EXOC6B: variants seen among roughly 807,000 people sequenced by gnomAD.
EXOC6B encodes SEC15 homolog B.
In EXOC6B, 54 loss-of-function variants were observed where a neutral mutation model predicts 113.5. That is an observed-to-expected ratio of 0.48 (90% CI 0.38 to 0.60). The LOEUF (loss-of-function observed/expected upper bound fraction) is 0.60. EXOC6B is among the 20% of genes least tolerant of loss of function. The pLI is 0.00. For missense variants in EXOC6B, 797 were observed against 977.5 expected (o/e 0.82, Z 2.46); for synonymous variants, 357 against 339.0 (o/e 1.05, Z -0.58).
intron 6 of EXOC6B, among the ~76,000 whole-genome samples, chr2:72,714,754 A>G (rs1047490266): frequency 2.0e-5 from 3 of 152,180 alleles, no homozygotes; most frequent in Non-Finnish European, 4.4e-5. Context: ...AAGGCCATCA[A>G]ACTGAGAAAG....
intron 2 of EXOC6B, among the ~76,000 whole-genome samples, chr2:72,738,311 C>G (rs574076807): frequency 6.6e-6 from 1 of 152,258 alleles, no homozygotes; most frequent in Non-Finnish European, 1.5e-5. Flanking sequence ...CTAGAACTAC[C>G]AACTACTGAG....
intron 1 of EXOC6B, among the ~76,000 whole-genome samples, chr2:72,747,285 T>A (rs1309779977): frequency 6.6e-6 from 1 of 152,046 alleles, no homozygotes; most frequent in African/African-American, 2.4e-5. Flanking sequence ...GACACACTTA[T>A]CTCACCAATG....
At chr2:72,697,167 A>C (rs976769207) in intron 6 of EXOC6B, among the ~76,000 whole-genome samples, 1 of 141,746 alleles carries the variant, frequency 7.1e-6, no homozygotes, top group South Asian at 2.2e-4. Context: ...GTATACACAC[A>C]CAAAAATATT....
chr2:72,390,007 C>A (rs1300116144), intron 18 of EXOC6B, among the ~76,000 whole-genome samples: 1 of 152,100 alleles, frequency 6.6e-6, no homozygotes, highest in Non-Finnish European at 1.5e-5. Flanking sequence ...ATTGCTTGAA[C>A]CTGGGAGGTG....
chr2:72,346,367 G>C (rs1173505116), intron 19 of EXOC6B, among the ~76,000 whole-genome samples: 1 of 152,130 alleles, frequency 6.6e-6, no homozygotes, highest in African/African-American at 2.4e-5. Context: ...TGAGGATCTA[G>C]GCACTTGCAG....
intron 8 of EXOC6B, among the ~76,000 whole-genome samples, chr2:72,551,158 C>T (rs1703198772): frequency 6.6e-6 from 1 of 152,088 alleles, no homozygotes; most frequent in African/African-American, 2.4e-5. Flanking sequence ...TATTTCAATA[C>T]TCATGAGTCA....
intron 17 of EXOC6B, among the ~76,000 whole-genome samples, chr2:72,477,043 A>G (rs1323137631): frequency 6.6e-6 from 1 of 152,126 alleles, no homozygotes; most frequent in Non-Finnish European, 1.5e-5. Context: ...GAGCCTGTCA[A>G]TGTTGAAGTC....
intron 20 of EXOC6B, among the ~76,000 whole-genome samples, chr2:72,294,982 C>A (rs538386608): frequency 4.5e-4 from 68 of 152,128 alleles, no homozygotes; most frequent in African/African-American, 1.6e-3. Flanking sequence ...CCTGTAATCC[C>A]AGCACTTTGG....
At position 72,210,717 on chromosome 2, in the gene EXOC6B, C is replaced by T. The variant is rs541473987; in HGVS notation, c.2197-26530G>A. On this transcript the variant is annotated intron_variant, in intron 20 of 21. Coordinates refer to ENST00000272427, the MANE Select transcript of EXOC6B (RefSeq NM_015189.3). ...TGTCTACTTCTCCAGGCACAGTGCC[C>T]GTGGAAGCTTGGTTTGCACTTTGTT... Among the ~76,000 whole-genome samples, 29 of 152,282 alleles carry T rather than the reference C, an allele frequency of 1.9e-4. No individual in the cohort carries two copies. In the South Asian group the frequency reaches 6.0e-3, roughly 32 times the overall value.
At chr2:72,589,985 T>C (rs138165234) in intron 6 of EXOC6B, among the ~76,000 whole-genome samples, 104 of 151,940 alleles carry the variant, frequency 6.8e-4, no homozygotes, top group African/African-American at 2.0e-3. Flanking sequence ...GAGGGGAGAA[T>C]GATGAAGGAA....
At chr2:72,710,419 GA>G (rs1009226911) in intron 6 of EXOC6B, among the ~76,000 whole-genome samples, 127 of 146,990 alleles carry the variant, frequency 8.6e-4, no homozygotes, top group African/African-American at 2.1e-3. Flanking sequence ...AAGGCAAGCA[GA>G]AAAAAAAAAT....
intron 6 of EXOC6B, among the ~76,000 whole-genome samples, chr2:72,706,891 T>A (rs1678916525): frequency 6.6e-6 from 1 of 152,196 alleles, no homozygotes; most frequent in Admixed American, 6.5e-5. Context: ...GCTTCCACTT[T>A]GTGCTTGGAG....
intron 8 of EXOC6B, among the ~76,000 whole-genome samples, chr2:72,533,087 G>A (rs1702100643): frequency 6.6e-6 from 1 of 152,186 alleles, no homozygotes; most frequent in Non-Finnish European, 1.5e-5. Context: ...CCTGGAAAGA[G>A]GGGAAATTTT....
chr2:72,368,123 T>C (rs112098320), intron 19 of EXOC6B, among the ~76,000 whole-genome samples: 7 of 152,190 alleles, frequency 4.6e-5, no homozygotes, highest in Non-Finnish European at 8.8e-5. Flanking sequence ...GTGCAGCTCA[T>C]AGCTAGAAAA....
chr2:72,189,395 C>T (rs1678665904), intron 20 of EXOC6B, among the ~76,000 whole-genome samples: 1 of 152,168 alleles, frequency 6.6e-6, no homozygotes, highest in South Asian at 2.1e-4. Context: ...GGTATCACCT[C>T]TGGAGGCATA....
At chr2:72,433,408 T>C (rs993421300) in intron 18 of EXOC6B, among the ~76,000 whole-genome samples, 7 of 152,224 alleles carry the variant, frequency 4.6e-5, no homozygotes, top group African/African-American at 1.7e-4. Context: ...TGGTTCCACA[T>C]GAAATTTAAA....
At chr2:72,367,073 C>G (rs1690668107) in intron 19 of EXOC6B, among the ~76,000 whole-genome samples, 1 of 151,672 alleles carries the variant, frequency 6.6e-6, no homozygotes, top group African/African-American at 2.4e-5. Flanking sequence ...GTGTTTAAAG[C>G]AAAGATGCAG....
chr2:72,646,335 C>G (rs189407479), intron 6 of EXOC6B, among the ~76,000 whole-genome samples: 1 of 151,968 alleles, frequency 6.6e-6, no homozygotes, highest in East Asian at 1.9e-4. Context: ...CAGGACCAGA[C>G]AGATTCACAG....
At chr2:72,405,606 T>A (rs1693688665) in intron 18 of EXOC6B, among the ~76,000 whole-genome samples, 1 of 152,126 alleles carries the variant, frequency 6.6e-6, no homozygotes, top group African/African-American at 2.4e-5. Flanking sequence ...AAAACGAAGC[T>A]TCATAAGTGA....
Sources: gnomAD v4.1 joint callset for allele counts (sites outside exome capture counted in the v4.1 genomes callset) on GRCh38, gnomAD v4.1.1 for gene constraint, MANE v1.5 for transcripts, NCBI Gene and HGNC (gene_info 2026-07-23, HGNC 2026-07-21) for gene names.